Variants in SEZ6L2 observed in about 807,000 individuals in gnomAD.
SEZ6L2 encodes seizure related 6 homolog like 2.
A neutral mutation model predicts 97.0 loss-of-function variants in SEZ6L2; 44 were observed. The ratio of observed to expected loss-of-function variants is 0.45; its 90% CI spans 0.36 to 0.58. SEZ6L2 has a LOEUF of 0.58. Ranked by LOEUF, SEZ6L2 falls within the 20% of genes least tolerant of loss-of-function variation. The pLI is 0.00. For missense variants in SEZ6L2, 1,086 were observed against 1,233.3 expected (o/e 0.88, Z 1.79); for synonymous variants, 543 against 546.1 (o/e 0.99, Z 0.08).
chr16:29,886,705 C>G (rs986063532), intron 7 of SEZ6L2, among the ~76,000 whole-genome samples: 1 of 150,486 alleles, frequency 6.6e-6, no homozygotes, highest in African/African-American at 2.4e-5. Flanking sequence ...AAGAGGATAG[C>G]AGACACTTTT....
At chr16:29,886,476 C>A (rs1348543883) in intron 7 of SEZ6L2, among the ~76,000 whole-genome samples, 1 of 151,334 alleles carries the variant, frequency 6.6e-6, no homozygotes. Flanking sequence ...GAGATCGAGA[C>A]CATCCTGGCT....
chr16:29,872,458 G>A lies in SEZ6L2; in HGVS notation c.2596C>T (p.Leu866=), dbSNP rs1413260511. The A allele has an allele frequency of 1.2e-6, 2 of 1,614,256 alleles. No homozygotes were observed. Among genetic ancestry groups the A allele is most frequent in the South Asian group, 2.2e-5 (2 of 91,086 alleles). The change falls in exon 16 of 18, where the codon CTA becomes TTA. Residue 866 remains leucine (L), a synonymous_variant. Transcript: ENST00000617533. ...GNLALAILLP[L]GLVIVLGSGV... ...CTGCCGAGGACAATGACCAAGCCTA[G>A]AGGCAGCAGGATGGCCAGGGCCAGG...
At chr16:29,883,110 G>A (rs1468813119) in intron 8 of SEZ6L2, among the ~76,000 whole-genome samples, 1 of 152,082 alleles carries the variant, frequency 6.6e-6, no homozygotes, top group Non-Finnish European at 1.5e-5. Flanking sequence ...CATCACAGCC[G>A]AGTGCCAATT....
At chr16:29,884,838 G>A (rs1218493975) in intron 8 of SEZ6L2, among the ~76,000 whole-genome samples, 1 of 151,738 alleles carries the variant, frequency 6.6e-6, no homozygotes, top group Non-Finnish European at 1.5e-5. Context: ...GCTTGAACCC[G>A]GGAGGCAGAG....
At chr16:29,892,847 A>G (rs2068298625) in intron 5 of SEZ6L2, among the ~76,000 whole-genome samples, 1 of 152,190 alleles carries the variant, frequency 6.6e-6, no homozygotes, top group African/African-American at 2.4e-5. Context: ...TGTCTGCTAG[A>G]ACACACCCTT....
At chr16:29,896,202 G>C (rs2068384517) in intron 3 of SEZ6L2, among the ~76,000 whole-genome samples, 1 of 152,150 alleles carries the variant, frequency 6.6e-6, no homozygotes, top group Non-Finnish European at 1.5e-5. Context: ...GGCCTCAAGC[G>C]ATCCTCCTGC....
At chr16:29,881,271 A>T (rs1218093291) in intron 8 of SEZ6L2, among the ~76,000 whole-genome samples, 3 of 152,182 alleles carry the variant, frequency 2.0e-5, no homozygotes, top group Non-Finnish European at 4.4e-5. Flanking sequence ...GCTCAAGGTC[A>T]CACAAAAGAC....
intron 17 of SEZ6L2, 133 bp downstream of exon 17, chr16:29,872,054 G>T: frequency 4.2e-6 from 3 of 718,754 alleles, no homozygotes; most frequent in Non-Finnish European, 6.9e-6. Context: ...GGCTTGCTAT[G>T]CTCATTGACA....
chr16:29,878,205 C>T, intron 10 of SEZ6L2, 82 bp downstream of exon 10: 1 of 1,445,386 alleles, frequency 6.9e-7, no homozygotes, highest in Admixed American at 2.2e-5. Context: ...GCCAGACAGG[C>T]TCAGAATGCA....
At chr16:29,888,750 C>G in intron 5 of SEZ6L2, 25 bp from the exon 6 acceptor site, 1 of 1,590,180 alleles carries the variant, frequency 6.3e-7, no homozygotes, top group Non-Finnish European at 8.6e-7. Flanking sequence ...CAGCGGGTAG[C>G]AGGGCTCACT....
chr16:29,891,967 C>T (rs2095703881), intron 5 of SEZ6L2, among the ~76,000 whole-genome samples: 4 of 152,172 alleles, frequency 2.6e-5, no homozygotes, highest in Admixed American at 6.6e-5. Context: ...GCCAGGGACT[C>T]GGGGATCTGT....
chr16:29,877,690 C>T (rs1401360708), intron 10 of SEZ6L2, among the ~76,000 whole-genome samples: 70 of 152,234 alleles, frequency 4.6e-4, no homozygotes, highest in Non-Finnish European at 1.2e-4. Context: ...CCATGTCCTA[C>T]TACCCAATCC....
Position 29,873,453 on chromosome 16 carries a change from C to T in SEZ6L2, c.2297-22G>A, listed in dbSNP as rs372560984. ...TTCACTGCGGGGAGCATGCCAGTCA[C>T]GTGCCAGCTGCACTACTGTGCACGG... is the stretch of plus-strand genomic sequence containing the variant. On this transcript the variant is annotated intron_variant, in intron 13 of 17. Transcript: ENST00000617533. This position sits in a 1 kb window ranked among gnomAD's most constrained non-coding sequence, Gnocchi z 4.3. 12 of 1,614,004 alleles carry T rather than the reference C, an allele frequency of 7.4e-6. No individual in the cohort carries two copies. The highest frequency in any genetic ancestry group is 1.3e-5 in the African/African-American group (1 of 74,950).
intron 9 of SEZ6L2, 143 bp from the exon 10 acceptor site, chr16:29,878,568 T>C: frequency 1.8e-6 from 1 of 566,078 alleles, no homozygotes. Flanking sequence ...CTTTTATTCT[T>C]TTATTTTATT....
At position 29,873,466 on chromosome 16, in the gene SEZ6L2, C is replaced by G. The variant is rs1191977977; in HGVS notation, c.2297-35G>C. On this transcript the variant is annotated intron_variant, in intron 13 of 17. Coordinates refer to ENST00000617533, the MANE Select transcript of SEZ6L2 (RefSeq NM_001243332.2). This position sits in a 1 kb window ranked among gnomAD's most constrained non-coding sequence, Gnocchi z 4.3. ...GCATGCCAGTCACGTGCCAGCTGCA[C>G]TACTGTGCACGGGGCAGACGGGCTC... The G allele has an allele frequency of 4.3e-6, 7 of 1,614,046 alleles. No individual in the cohort carries two copies. In the East Asian group the frequency reaches 1.6e-4, roughly 36 times the overall value.
chr16:29,888,595 G>A lies in SEZ6L2; in HGVS notation c.984C>T (p.Leu328=). The A allele has an allele frequency of 6.2e-7, 1 of 1,614,090 alleles. No individual in the cohort carries two copies. Among genetic ancestry groups the A allele is most frequent in the South Asian group, 1.1e-5 (1 of 91,076 alleles). Residue 328 remains leucine (L), a synonymous_variant, in exon 6 of 18, where the codon CTC becomes CTT. Coordinates refer to ENST00000617533, the MANE Select transcript of SEZ6L2 (RefSeq NM_001243332.2). ...ATGGCCGGGTGCCATTGAGGCAGATGAGGGTCTCCTCTCCCTGCAGCTGGT... is the reference window on the plus strand; with the variant it reads ...ATGGCCGGGTGCCATTGAGGCAGATAAGGGTCTCCTCTCCCTGCAGCTGGT... ...SGYQLQGEET[L]ICLNGTRPSW... is the part of the protein sequence containing the mutation.
At position 29,871,675 on chromosome 16, in the gene SEZ6L2, G is replaced by C; in HGVS notation, c.*24C>G. On this transcript the variant is annotated 3_prime_UTR_variant, in exon 18 of 18. Coordinates refer to ENST00000617533, the MANE Select transcript of SEZ6L2 (RefSeq NM_001243332.2). ...AATGAGGAGGGGAGGGGCGTCCTGGGTCCTGCAGCTGTAGTCTTGGGGTTC... is the reference window on the plus strand; with the variant it reads ...AATGAGGAGGGGAGGGGCGTCCTGGCTCCTGCAGCTGTAGTCTTGGGGTTC... The C allele has an allele frequency of 1.2e-6, 2 of 1,605,348 alleles. No homozygotes were observed. Among genetic ancestry groups the C allele is most frequent in the South Asian group, 2.2e-5 (2 of 89,428 alleles).
intron 14 of SEZ6L2, 112 bp from the exon 15 acceptor site, chr16:29,872,855 C>G: frequency 1.2e-6 from 1 of 817,374 alleles, no homozygotes; most frequent in Non-Finnish European, 1.9e-6. Context: ...TCTCTGCCCT[C>G]TGCTCAACCT....
Position 29,871,562 on chromosome 16 carries a change from C to T in SEZ6L2, c.*137G>A. ...GTAGGATCTCCAGGGCCATCAAAGC[C>T]CCCTCGTGGGATAGGGAGACTATTT... On this transcript the variant is annotated 3_prime_UTR_variant, in exon 18 of 18. Coordinates refer to ENST00000617533, the MANE Select transcript of SEZ6L2 (RefSeq NM_001243332.2). The T allele has an allele frequency of 1.2e-6, 1 of 853,666 alleles. No homozygotes were observed. Among genetic ancestry groups the T allele is most frequent in the Non-Finnish European group, 1.9e-6 (1 of 513,576 alleles). The allele number at this position is 853,666 out of a possible 1,614,324, so 52.9% of individuals were successfully genotyped here.
Sources: gnomAD v4.1 joint callset for allele counts (sites outside exome capture counted in the v4.1 genomes callset) on GRCh38, gnomAD v4.1.1 for gene constraint, Gnocchi (gnomAD v3.1) non-coding constraint, MANE v1.5 for transcripts, NCBI Gene and HGNC (gene_info 2026-07-23, HGNC 2026-07-21) for gene names.